The following CALN1 variants were observed in gnomAD, a reference collection of about 807,000 sequenced individuals.
CALN1 encodes the protein calneuron 1, also known as calcium-binding protein 8.
CALN1 carries 17 observed loss-of-function variants against 30.6 expected under a neutral mutation model. The ratio of observed to expected loss-of-function variants is 0.56; its 90% CI spans 0.38 to 0.83. The LOEUF (loss-of-function observed/expected upper bound fraction) is 0.83. Among genes scored for constraint, CALN1 ranks in the 40% least tolerant of loss-of-function variants. The pLI is 0.00. For missense variants in CALN1, 291 were observed against 354.9 expected (o/e 0.82, Z 1.45); for synonymous variants, 156 against 131.4 (o/e 1.19, Z -1.28).
At chr7:72,444,811 G>A (rs184936288) in intron 1 of CALN1, among the ~76,000 whole-genome samples, 3 of 152,088 alleles carry the variant, frequency 2.0e-5, no homozygotes, top group East Asian at 1.9e-4. Context: ...AGAAACTGAC[G>A]CCCGCCCAAT....
At chr7:72,145,857 T>A (rs978026015) in intron 3 of CALN1, among the ~76,000 whole-genome samples, 1 of 151,946 alleles carries the variant, frequency 6.6e-6, no homozygotes, top group Non-Finnish European at 1.5e-5. Context: ...ATAAACAGAA[T>A]CAAGGACAAA....
rs1204920989 is a variant in CALN1 at position 72,144,030 on chromosome 7, T to TCGAGGCTAG, written c.245-37737_245-37736insCTAGCCTCG. On this transcript the variant is annotated intron_variant, in intron 3 of 6. Transcript: ENST00000395275. ...TAGCCACTGCAAAAACATGCCAAAC[T>TCGAGGCTAG]GTAAAGACCATCGAGGCTAGGAAGA... 2.6e-3 allele frequency among the ~76,000 whole-genome samples: 390 copies of TCGAGGCTAG among 152,270 alleles called. 4 individuals are homozygous for TCGAGGCTAG. Among genetic ancestry groups the TCGAGGCTAG allele is most frequent in the African/African-American group, 8.7e-3 (362 of 41,556 alleles).
chr7:72,362,534 G>A (rs76283163), intron 2 of CALN1, among the ~76,000 whole-genome samples: 6,930 of 152,140 alleles, frequency 0.046, 195 homozygotes, highest in South Asian at 0.082. Context: ...CACTTCCTTT[G>A]ATCTCCAGGT....
intron 3 of CALN1, among the ~76,000 whole-genome samples, chr7:72,110,402 G>A (rs745938780): frequency 2.0e-4 from 31 of 152,144 alleles, no homozygotes; most frequent in Non-Finnish European, 3.8e-4. Flanking sequence ...CTGCTCCTTC[G>A]AAGCCTTGAA....
chr7:72,489,694 G>C, the CALN1 span, among the ~76,000 whole-genome samples: 1 of 152,204 alleles, frequency 6.6e-6, no homozygotes, highest in Non-Finnish European at 1.5e-5. Context: ...CCAACCCTTT[G>C]CATGAAGATA....
intron 3 of CALN1, among the ~76,000 whole-genome samples, chr7:72,208,986 TTCCTTCCTTCCTTCCCTCCTTCCC>T (rs1792108634): frequency 1.0e-5 from 1 of 95,560 alleles, no homozygotes; most frequent in Non-Finnish European, 1.9e-5. Flanking sequence ...CTTTTCCTAC[TTCCTTCCTTCCTTCCCTCCTTCCC>T]TCTTTCCTTC....
chr7:71,861,459 T>C (rs147168537), intron 5 of CALN1, among the ~76,000 whole-genome samples: 5 of 152,146 alleles, frequency 3.3e-5, no homozygotes, highest in East Asian at 1.9e-4. Context: ...AAAGATCTCA[T>C]AGGTTATCAA....
At chr7:72,241,477 C>CG (rs1210160434) in intron 3 of CALN1, among the ~76,000 whole-genome samples, 1 of 152,126 alleles carries the variant, frequency 6.6e-6, no homozygotes, top group Admixed American at 6.5e-5. Flanking sequence ...GAGGCCAAGG[C>CG]GGGCAGATCA....
the CALN1 span, among the ~76,000 whole-genome samples, chr7:72,494,543 C>T: frequency 3.3e-5 from 5 of 152,138 alleles, no homozygotes; most frequent in Admixed American, 3.3e-4. Flanking sequence ...ATTCCCTGGA[C>T]CTCAACTTTG....
intron 6 of CALN1, among the ~76,000 whole-genome samples, chr7:71,790,202 C>CAAAG (rs57547714): frequency 2.2e-4 from 29 of 131,562 alleles, no homozygotes; most frequent in African/African-American, 7.7e-4. Context: ...AAGAGAGAAA[C>CAAAG]AAAGAAAGAA....
At position 71,945,548 on chromosome 7, in the gene CALN1, G is replaced by A. The variant is rs547847347; in HGVS notation, c.501+78109C>T. Among the ~76,000 whole-genome samples the A allele has an allele frequency of 1.5e-4, 23 of 152,274 alleles. No homozygotes were observed. In the South Asian group the frequency reaches 1.7e-3, roughly 11 times the overall value. ...GAGTGGCAGGTGAGCAAACATTGCC[G>A]CCTGAACTCTACCTCCTGTCAGATC... is the stretch of plus-strand genomic sequence containing the variant. On this transcript the variant is annotated intron_variant, in intron 5 of 6. Coordinates refer to ENST00000395275, the MANE Select transcript of CALN1 (RefSeq NM_031468.4).
chr7:71,862,440 A>C (rs1279373679), intron 5 of CALN1, among the ~76,000 whole-genome samples: 1 of 152,162 alleles, frequency 6.6e-6, no homozygotes, highest in African/African-American at 2.4e-5. Context: ...TGATGGTTTT[A>C]TAAAAGGGGC....
rs528533162 is a variant in CALN1 at position 72,085,053 on chromosome 7, T to C, written c.388+21098A>G. ...TTTTGACATTGTCATGGCTCCATGATGACCAGGATCACCGAAGCACATGAT... is the reference window on the plus strand; with the variant it reads ...TTTTGACATTGTCATGGCTCCATGACGACCAGGATCACCGAAGCACATGAT... On this transcript the variant is annotated intron_variant, in intron 4 of 6. Coordinates refer to ENST00000395275, the MANE Select transcript of CALN1 (RefSeq NM_031468.4). 1.5e-3 allele frequency among the ~76,000 whole-genome samples: 235 copies of C among 152,324 alleles called. 1 individual carries two copies. Among genetic ancestry groups the C allele is most frequent in the Middle Eastern group, 0.01 (3 of 294 alleles).
At position 72,133,858 on chromosome 7, in the gene CALN1, T is replaced by C. The variant is rs992303062; in HGVS notation, c.245-27564A>G. Among the ~76,000 whole-genome samples the C allele has an allele frequency of 1.2e-4, 18 of 152,146 alleles. 1 individual carries two copies. ...GAAGGAACATCAGACAAATCCAAAATGAGGAATATGTTACAAAATAACTGG... is the reference window on the plus strand; with the variant it reads ...GAAGGAACATCAGACAAATCCAAAACGAGGAATATGTTACAAAATAACTGG... On this transcript the variant is annotated intron_variant, in intron 3 of 6. Coordinates refer to ENST00000395275, the MANE Select transcript of CALN1 (RefSeq NM_031468.4).
chr7:72,411,740 C>T (rs575974710), intron 1 of CALN1, among the ~76,000 whole-genome samples: 1 of 152,278 alleles, frequency 6.6e-6, no homozygotes, highest in South Asian at 2.1e-4. Flanking sequence ...TATGGTACAA[C>T]TCATTATCCT....
At chr7:72,182,824 C>A (rs1242258054) in intron 3 of CALN1, among the ~76,000 whole-genome samples, 1 of 151,536 alleles carries the variant, frequency 6.6e-6, no homozygotes, top group Non-Finnish European at 1.5e-5. Context: ...ACACTAGCTT[C>A]TGTAAAGGCA....
chr7:71,806,752 T>G (rs538082927), intron 6 of CALN1, among the ~76,000 whole-genome samples: 2 of 152,286 alleles, frequency 1.3e-5, no homozygotes, highest in South Asian at 4.1e-4. Context: ...TACCAAAGAA[T>G]GCAGTTTCCA....
intron 2 of CALN1, among the ~76,000 whole-genome samples, chr7:72,367,946 G>A (rs1409453974): frequency 5.3e-5 from 8 of 151,966 alleles, no homozygotes; most frequent in East Asian, 3.9e-4. Context: ...ATCCTGGCTA[G>A]CACAGTAAAA....
chr7:71,796,269 T>A (rs1361215816), intron 6 of CALN1, among the ~76,000 whole-genome samples: 3 of 152,144 alleles, frequency 2.0e-5, no homozygotes, highest in Non-Finnish European at 4.4e-5. Flanking sequence ...TCCATGCACA[T>A]GTTTACATGT....
Sources: gnomAD v4.1 joint callset for allele counts (sites outside exome capture counted in the v4.1 genomes callset) on GRCh38, gnomAD v4.1.1 for gene constraint, MANE v1.5 for transcripts, NCBI Gene and HGNC (gene_info 2026-07-23, HGNC 2026-07-21) for gene names.